Variants in FAM135B observed in about 807,000 individuals in gnomAD.
FAM135B encodes the protein protein FAM135B.
A neutral mutation model predicts 127.7 loss-of-function variants in FAM135B; 43 were observed. That is an observed-to-expected ratio of 0.34 (90% confidence interval 0.26 to 0.43). FAM135B has a LOEUF of 0.43. FAM135B is among the 20% of genes least tolerant of loss of function. The pLI, the probability that FAM135B is intolerant of heterozygous loss-of-function variation, is 1.00. For synonymous variants in FAM135B, 670 were observed against 665.1 expected (o/e 1.01, Z -0.11); for missense variants, 1,558 against 1,725.6 (o/e 0.90, Z 1.72).
chr8:138,139,185 C>CCG, intron 17 of FAM135B, 89 bp from the exon 18 acceptor site: 1 of 780,960 alleles, frequency 1.3e-6, no homozygotes, highest in Non-Finnish European at 2.2e-6. Flanking sequence ...GAACGTTAAA[C>CCG]TGAATTTTAG....
At chr8:138,285,148 T>A (rs1394517259) in intron 3 of FAM135B, among the ~76,000 whole-genome samples, 1 of 127,786 alleles carries the variant, frequency 7.8e-6, no homozygotes, top group African/African-American at 3.0e-5. Context: ...TTTTTTTTTT[T>A]TTTTTTTTTT....
intron 14 of FAM135B, among the ~76,000 whole-genome samples, chr8:138,147,884 G>A (rs1421570647): frequency 6.6e-6 from 1 of 152,152 alleles, no homozygotes; most frequent in Non-Finnish European, 1.5e-5. Context: ...GGAACAGACT[G>A]GTCATGCATG....
At chr8:138,320,678 C>A (rs1827391310) in intron 2 of FAM135B, among the ~76,000 whole-genome samples, 1 of 152,152 alleles carries the variant, frequency 6.6e-6, no homozygotes, top group African/African-American at 2.4e-5. Context: ...CCATTACCAC[C>A]AGCCACTGAA....
Position 138,423,279 on chromosome 8 carries a change from C to T in FAM135B, c.-19-55277G>A, listed in dbSNP as rs113531869. 1.4e-3 allele frequency among the ~76,000 whole-genome samples: 214 copies of T among 152,104 alleles called. 2 individuals carry two copies. The South Asian group carries it at 0.017, about 12-fold the overall frequency. Reference sequence around the variant, plus strand: ...CCTTTGAACCTAAAATAAAAGTTAGCGGAAAAAAAGCCTTTGCTTTCTACT... The same window carrying T: ...CCTTTGAACCTAAAATAAAAGTTAGTGGAAAAAAAGCCTTTGCTTTCTACT... On this transcript the variant is annotated intron_variant, in intron 1 of 19. Coordinates refer to ENST00000395297, the MANE Select transcript of FAM135B (RefSeq NM_015912.4).
chr8:138,160,703 T>TATCTCTGTGTTCCTCCCTTTG (rs1819300902), intron 12 of FAM135B, among the ~76,000 whole-genome samples: 1 of 152,078 alleles, frequency 6.6e-6, no homozygotes, highest in South Asian at 2.1e-4. Context: ...CAGCCTGGTG[T>TATCTCTGTGTTCCTCCCTTTG]CTGATATTTA....
At chr8:138,425,321 A>G (rs756943890) in intron 1 of FAM135B, 1 of 152,220 alleles carries the variant, frequency 6.6e-6, no homozygotes, top group Non-Finnish European at 1.5e-5. Flanking sequence ...AACAGAGCAA[A>G]TAAGAAGCAG....
intron 3 of FAM135B, among the ~76,000 whole-genome samples, chr8:138,305,554 C>G (rs11997924): frequency 0.053 from 8,131 of 152,238 alleles, 432 homozygotes; most frequent in East Asian, 0.15. Context: ...AAATCTGAGA[C>G]CCGCAAAACA....
intron 1 of FAM135B, among the ~76,000 whole-genome samples, chr8:138,434,316 G>T (rs928771943): frequency 6.6e-6 from 1 of 152,122 alleles, no homozygotes; most frequent in Admixed American, 6.5e-5. Flanking sequence ...CATATTCTTT[G>T]GGAGTGAGAA....
intron 2 of FAM135B, among the ~76,000 whole-genome samples, chr8:138,330,103 T>C (rs1828062596): frequency 6.6e-6 from 1 of 152,156 alleles, no homozygotes; most frequent in Non-Finnish European, 1.5e-5. Context: ...AACTCACTCC[T>C]CACTCATACC....
chr8:138,186,283 TGTATAACCAA>T (rs1216659209), intron 9 of FAM135B, among the ~76,000 whole-genome samples: 2 of 152,186 alleles, frequency 1.3e-5, no homozygotes, highest in Admixed American at 6.5e-5. Flanking sequence ...CTTCCATCTT[TGTATAACCAA>T]TGAATAGTCC....
intron 15 of FAM135B, among the ~76,000 whole-genome samples, chr8:138,144,618 C>A (rs1300266342): frequency 6.6e-6 from 1 of 152,100 alleles, no homozygotes; most frequent in East Asian, 1.9e-4. Context: ...TCAGGAACTC[C>A]CCAGCCAAGG....
At chr8:138,462,363 T>C (rs1000569695) in intron 1 of FAM135B, among the ~76,000 whole-genome samples, 1 of 152,194 alleles carries the variant, frequency 6.6e-6, no homozygotes, top group African/African-American at 2.4e-5. Flanking sequence ...AAGTTACATC[T>C]AAGTTCTTTC....
intron 7 of FAM135B, among the ~76,000 whole-genome samples, chr8:138,215,104 G>A (rs557857937): frequency 6.6e-6 from 1 of 152,284 alleles, no homozygotes; most frequent in South Asian, 2.1e-4. Flanking sequence ...ATCCCATGAA[G>A]ATGGACATGA....
At chr8:138,359,468 T>C (rs565571106) in intron 2 of FAM135B, among the ~76,000 whole-genome samples, 4 of 152,274 alleles carry the variant, frequency 2.6e-5, no homozygotes, top group East Asian at 3.9e-4. Context: ...AAATGCACCA[T>C]TGTCAAAGCT....
At chr8:138,153,462 G>A (rs780960395) in intron 12 of FAM135B, among the ~76,000 whole-genome samples, 5 of 152,068 alleles carry the variant, frequency 3.3e-5, no homozygotes, top group African/African-American at 4.8e-5. Context: ...TGCAGCCCAC[G>A]GAGTGTGAGA....
At chr8:138,379,048 AG>A (rs1831669608) in intron 1 of FAM135B, among the ~76,000 whole-genome samples, 1 of 152,230 alleles carries the variant, frequency 6.6e-6, no homozygotes, top group Non-Finnish European at 1.5e-5. Flanking sequence ...CTCACTGAGA[AG>A]TCAAACTTGG....
At chr8:138,137,329 GCACAAATTTC>G (rs1264607514) in intron 18 of FAM135B, 69 bp from the exon 19 acceptor site, 1 of 867,564 alleles carries the variant, frequency 1.2e-6, no homozygotes, top group African/African-American at 1.7e-5. Flanking sequence ...CTGGAAATTT[GCACAAATTTC>G]CAGACTTGTC....
intron 1 of FAM135B, among the ~76,000 whole-genome samples, chr8:138,486,213 T>C (rs1587556649): frequency 6.6e-6 from 1 of 151,454 alleles, no homozygotes; most frequent in Non-Finnish European, 1.5e-5. Context: ...CCACGTAGGG[T>C]TCCTCAGGTT....
intron 1 of FAM135B, among the ~76,000 whole-genome samples, chr8:138,383,518 A>C (rs776210082): frequency 6.6e-6 from 1 of 152,212 alleles, no homozygotes; most frequent in Non-Finnish European, 1.5e-5. Flanking sequence ...ATTTATATAA[A>C]AATGAGAATG....
Sources: gnomAD v4.1 joint callset for allele counts (sites outside exome capture counted in the v4.1 genomes callset) on GRCh38, gnomAD v4.1.1 for gene constraint, MANE v1.5 for transcripts, NCBI Gene and HGNC (gene_info 2026-07-23, HGNC 2026-07-21) for gene names.